Variants in VSNL1 observed in about 807,000 individuals in gnomAD.
VSNL1 encodes the protein visinin like 1, also known as visinin-like protein 1.
In VSNL1, 6 loss-of-function variants were observed where a neutral mutation model predicts 20.4. The ratio of observed to expected loss-of-function variants is 0.29; its 90% confidence interval spans 0.16 to 0.58. VSNL1 has a LOEUF of 0.58. VSNL1 is among the 20% of genes least tolerant of loss of function. The pLI is 0.90. For synonymous variants in VSNL1, 93 were observed against 86.4 expected (o/e 1.08, Z -0.42); for missense variants, 100 against 234.5 (o/e 0.43, Z 3.75).
intron 2 of VSNL1, among the ~76,000 whole-genome samples, chr2:17,637,901 G>A (rs1032246271): frequency 1.3e-5 from 2 of 152,122 alleles, no homozygotes; most frequent in African/African-American, 2.4e-5. Flanking sequence ...GCACTTTCCC[G>A]GACGTGGTCT....
rs149499717 is a variant in VSNL1 at position 17,647,708 on chromosome 2, G to A, written c.163-1702G>A. Among the ~76,000 whole-genome samples, 135 of 152,180 alleles carry A rather than the reference G, an allele frequency of 8.9e-4. 1 individual carries two copies. The East Asian group carries it at 0.019, about 21-fold the overall frequency. On this transcript the variant is annotated intron_variant, in intron 2 of 3. Coordinates refer to ENST00000295156, the MANE Select transcript of VSNL1 (RefSeq NM_003385.5). ...CCTTGAAACTAACAGCTCATTTACT[G>A]AGCTTTAGTAATACTTTGCCCTCTC...
intron 2 of VSNL1, among the ~76,000 whole-genome samples, chr2:17,618,217 A>G (rs996181331): frequency 2.0e-5 from 3 of 152,196 alleles, no homozygotes; most frequent in African/African-American, 7.2e-5. Context: ...ACACAAATGT[A>G]TTATCTTACA....
At chr2:17,574,507 G>GA (rs1314228771) in intron 1 of VSNL1, among the ~76,000 whole-genome samples, 2 of 152,142 alleles carry the variant, frequency 1.3e-5, no homozygotes, top group African/African-American at 4.8e-5. Context: ...TATTCCAGCT[G>GA]AAAATTCTTT....
At chr2:17,545,990 T>C (rs561147631) in intron 1 of VSNL1, 13 of 152,204 alleles carry the variant, frequency 8.5e-5, no homozygotes, top group African/African-American at 2.9e-4. Context: ...TTTTAATGCA[T>C]GGTAATTCCA....
chr2:17,579,201 C>T (rs546908474), intron 1 of VSNL1, among the ~76,000 whole-genome samples: 57 of 152,108 alleles, frequency 3.7e-4, no homozygotes, highest in Admixed American at 1.2e-3. Flanking sequence ...CTGCAAGCTC[C>T]GCCTCCCGGG....
At chr2:17,545,267 G>A (rs756108122) in intron 1 of VSNL1, among the ~76,000 whole-genome samples, 13 of 151,836 alleles carry the variant, frequency 8.6e-5, no homozygotes, top group Non-Finnish European at 1.6e-4. Flanking sequence ...AAAAAAACTA[G>A]ATTAAAAATT....
At chr2:17,630,988 G>A (rs1665615737) in intron 2 of VSNL1, among the ~76,000 whole-genome samples, 1 of 152,108 alleles carries the variant, frequency 6.6e-6, no homozygotes, top group Admixed American at 6.5e-5. Flanking sequence ...CACCATGTTG[G>A]CCAGGCTGAT....
At chr2:17,572,740 C>T (rs986117620) in intron 1 of VSNL1, among the ~76,000 whole-genome samples, 6 of 152,178 alleles carry the variant, frequency 3.9e-5, no homozygotes, top group Non-Finnish European at 7.4e-5. Flanking sequence ...TCAGGCTTTC[C>T]AGTGGTATTC....
chr2:17,641,425 C>G (rs941803205), intron 2 of VSNL1, among the ~76,000 whole-genome samples: 2 of 152,180 alleles, frequency 1.3e-5, no homozygotes, highest in Non-Finnish European at 2.9e-5. Context: ...CAGACTGGCT[C>G]TAAATGGAAA....
rs974913964 is a variant in VSNL1 at position 17,649,179 on chromosome 2, G to A, written c.163-231G>A. Among the ~76,000 whole-genome samples the A allele has an allele frequency of 6.6e-6, 1 of 152,110 alleles. No homozygotes were observed. The highest frequency in any genetic ancestry group is 2.4e-5 in the African/African-American group (1 of 41,410). ...AAGCCCCATCAACTGAAAGCCACATGTCACCAGCCTCACCCACAGGAAACA... is the reference window on the plus strand; with the variant it reads ...AAGCCCCATCAACTGAAAGCCACATATCACCAGCCTCACCCACAGGAAACA... On this transcript the variant is annotated intron_variant, in intron 2 of 3. Coordinates refer to ENST00000295156, the MANE Select transcript of VSNL1 (RefSeq NM_003385.5). This position sits in a 1 kb window ranked among gnomAD's most constrained non-coding sequence, Gnocchi z 6.4.
chr2:17,562,547 A>C (rs141332923), intron 1 of VSNL1, among the ~76,000 whole-genome samples: 297 of 152,330 alleles, frequency 1.9e-3, no homozygotes, highest in African/African-American at 6.9e-3. Context: ...GAGATTATAT[A>C]AGCATGTGTT....
chr2:17,631,813 T>C (rs1665637779), intron 2 of VSNL1, among the ~76,000 whole-genome samples: 1 of 152,256 alleles, frequency 6.6e-6, no homozygotes, highest in Non-Finnish European at 1.5e-5. Context: ...TGCGTGTATG[T>C]GTAAACATGA....
At chr2:17,555,336 T>A (rs991422432) in intron 1 of VSNL1, among the ~76,000 whole-genome samples, 1 of 152,144 alleles carries the variant, frequency 6.6e-6, no homozygotes, top group Non-Finnish European at 1.5e-5. Context: ...AAAAGTCCAT[T>A]ATTTTTGTCA....
intron 2 of VSNL1, among the ~76,000 whole-genome samples, chr2:17,627,128 CCACATCA>C (rs2103408404): frequency 6.6e-6 from 1 of 152,244 alleles, no homozygotes; most frequent in East Asian, 1.9e-4. Flanking sequence ...CCCCATCTCA[CCACATCA>C]CAGCCCGTGG....
chr2:17,553,631 G>C (rs1365644636), intron 1 of VSNL1, among the ~76,000 whole-genome samples: 1 of 152,136 alleles, frequency 6.6e-6, no homozygotes, highest in Non-Finnish European at 1.5e-5. Flanking sequence ...TCAGCAACAT[G>C]GGAAAATGGA....
intron 2 of VSNL1, among the ~76,000 whole-genome samples, chr2:17,644,740 TC>T (rs1359280164): frequency 3.3e-5 from 5 of 152,220 alleles, no homozygotes; most frequent in Non-Finnish European, 5.9e-5. Context: ...AGAGCCTTGT[TC>T]CACGAGACAC....
At chr2:17,597,637 T>C (rs545943798) in intron 2 of VSNL1, among the ~76,000 whole-genome samples, 1 of 152,334 alleles carries the variant, frequency 6.6e-6, no homozygotes, top group South Asian at 2.1e-4. Context: ...TCCCTGTCCC[T>C]CTAGGTGGTC....
chr2:17,649,439 T>C lies in VSNL1; in HGVS notation c.192T>C (p.Phe64=). The C allele has an allele frequency of 6.2e-7, 1 of 1,614,196 alleles. No individual in the cohort carries two copies. Among genetic ancestry groups the C allele is most frequent in the Non-Finnish European group, 8.5e-7 (1 of 1,180,028 alleles). The change falls in exon 3 of 4, where the codon TTT becomes TTC. Residue 64 remains phenylalanine (F), a synonymous_variant. Transcript: ENST00000295156. The surrounding 1 kb of genome is among the most constrained non-coding windows in gnomAD (Gnocchi z 6.4). ...TTCCTTATGGAGACGCCTCCAAGTT[T>C]GCCCAGCATGCCTTCCGAACCTTCG... is the stretch of plus-strand genomic sequence containing the variant. ...KFFPYGDASK[F]AQHAFRTFDK...
At chr2:17,592,494 A>G (rs1291282812) in intron 2 of VSNL1, among the ~76,000 whole-genome samples, 1 of 152,208 alleles carries the variant, frequency 6.6e-6, no homozygotes, top group African/African-American at 2.4e-5. Context: ...GCATCTGGTG[A>G]AAGAACCATA....
Sources: gnomAD v4.1 joint callset for allele counts (sites outside exome capture counted in the v4.1 genomes callset) on GRCh38, gnomAD v4.1.1 for gene constraint, Gnocchi (gnomAD v3.1) non-coding constraint, MANE v1.5 for transcripts, NCBI Gene and HGNC (gene_info 2026-07-23, HGNC 2026-07-21) for gene names.